TNIK: variants seen among roughly 807,000 people sequenced by gnomAD.
TNIK encodes the protein TRAF2 and NCK-interacting protein kinase.
Under a neutral mutation model 191.3 loss-of-function variants are expected in TNIK, and 49 were observed. The ratio of observed to expected loss-of-function variants is 0.26; its 90% confidence interval spans 0.20 to 0.32. The LOEUF is 0.32. TNIK is among the 10% of genes least tolerant of loss of function. The pLI, the probability that TNIK is intolerant of heterozygous loss-of-function variation, is 1.00. For missense variants in TNIK, 1,155 were observed against 1,702.3 expected, an observed-to-expected ratio of 0.68 and a Z score of 5.66; for synonymous variants, 594 against 600.9, an observed-to-expected ratio of 0.99 and a Z score of 0.17.
At position 171,093,978 on chromosome 3, in the gene TNIK, G is replaced by C; in HGVS notation, c.2592-10C>G. ...TGGAGCTCCTGTTGGTCTGAGATGA[G>C]AAGGAACAACATTCATGGCAATGTA... On this transcript the variant is annotated splice_polypyrimidine_tract_variant and intron_variant, in intron 22 of 32. Coordinates refer to ENST00000436636, the MANE Select transcript of TNIK (RefSeq NM_015028.4). 1.2e-6 allele frequency: 2 copies of C among 1,610,518 alleles called. No homozygotes were observed. The highest frequency in any genetic ancestry group is 1.7e-6 in the Non-Finnish European group (2 of 1,178,730).
chr3:171,183,895 T>G, intron 7 of TNIK, among the ~76,000 whole-genome samples: 1 of 130,398 alleles, frequency 7.7e-6, no homozygotes, highest in East Asian at 2.3e-4. Context: ...CATTCCAGTC[T>G]AGGTGACAAG....
chr3:171,373,538 C>A (rs112190531), intron 1 of TNIK, among the ~76,000 whole-genome samples: 2,177 of 152,226 alleles, frequency 0.014, 21 homozygotes, highest in Non-Finnish European at 0.02. Flanking sequence ...TTAGTTAATT[C>A]TTTCTTCCTT....
At chr3:171,390,595 T>A (rs1256870540) in intron 1 of TNIK, among the ~76,000 whole-genome samples, 1 of 152,230 alleles carries the variant, frequency 6.6e-6, no homozygotes, top group Non-Finnish European at 1.5e-5. Context: ...CAGAAGCTGC[T>A]GAATAACTGC....
chr3:171,121,646 T>C (rs1727768286), intron 18 of TNIK, among the ~76,000 whole-genome samples: 1 of 152,224 alleles, frequency 6.6e-6, no homozygotes, highest in African/African-American at 2.4e-5. Flanking sequence ...TGAGAAATAT[T>C]AAACTGTTAT....
chr3:171,089,102 A>G (rs1446606584), intron 23 of TNIK, among the ~76,000 whole-genome samples: 2 of 152,154 alleles, frequency 1.3e-5, no homozygotes, highest in East Asian at 3.8e-4. Flanking sequence ...AGCTCCTGTA[A>G]TGGTGCATGT....
In TNIK at chr3:171,159,267, G is replaced by A. The variant is rs754562411; in HGVS notation, c.1017-1603C>T. On this transcript the variant is annotated intron_variant, in intron 11 of 32. Transcript: ENST00000436636. This position sits in a 1 kb window ranked among gnomAD's most constrained non-coding sequence, Gnocchi z 4.1. ...AAGCCTGTGGACAGATCTGACATGT[G>A]GAGTGAGGGATGACTTGCAGGTTCT... 7.2e-5 allele frequency among the ~76,000 whole-genome samples: 11 copies of A among 152,072 alleles called. No individual in the cohort carries two copies. Among genetic ancestry groups the A allele is most frequent in the Non-Finnish European group, 1.6e-4 (11 of 67,974 alleles).
intron 3 of TNIK, among the ~76,000 whole-genome samples, chr3:171,220,912 TACA>T (rs1001542563): frequency 6.6e-6 from 1 of 152,144 alleles, no homozygotes; most frequent in African/African-American, 2.4e-5. Flanking sequence ...AGCATACACA[TACA>T]ACAAGCCCAA....
intron 1 of TNIK, among the ~76,000 whole-genome samples, chr3:171,429,972 G>T (rs2108656484): frequency 6.6e-6 from 1 of 152,190 alleles, no homozygotes; most frequent in African/African-American, 2.4e-5. Context: ...GCATCATTTT[G>T]TTAAAATGCA....
intron 2 of TNIK, among the ~76,000 whole-genome samples, chr3:171,364,291 T>C (rs1715389834): frequency 6.6e-6 from 1 of 152,082 alleles, no homozygotes; most frequent in Non-Finnish European, 1.5e-5. Context: ...ATTTTGTAAA[T>C]TTCTAGCATA....
At chr3:171,121,487 G>A (rs13092186) in intron 18 of TNIK, among the ~76,000 whole-genome samples, 12,582 of 152,328 alleles carry the variant, frequency 0.083, 602 homozygotes, top group Middle Eastern at 0.13. Flanking sequence ...TCTCTCTTGA[G>A]ATGCTCTTCT....
At chr3:171,362,602 G>A (rs1331054650) in intron 2 of TNIK, among the ~76,000 whole-genome samples, 1 of 152,198 alleles carries the variant, frequency 6.6e-6, no homozygotes, top group African/African-American at 2.4e-5. Context: ...ATGTGTTTGG[G>A]AAGAGGAAAA....
intron 7 of TNIK, among the ~76,000 whole-genome samples, chr3:171,186,778 A>C (rs1737416612): frequency 6.6e-6 from 1 of 152,248 alleles, no homozygotes; most frequent in South Asian, 2.1e-4. Flanking sequence ...ATCACTGTGC[A>C]GCATGACGAC....
chr3:171,336,520 A>G (rs1030042594), intron 2 of TNIK, among the ~76,000 whole-genome samples: 1 of 152,226 alleles, frequency 6.6e-6, no homozygotes, highest in African/African-American at 2.4e-5. Flanking sequence ...AAAAATAAGC[A>G]TAAACAGCTC....
At chr3:171,084,430 T>A in intron 25 of TNIK, 105 bp from the exon 26 acceptor site, 1 of 1,341,958 alleles carries the variant, frequency 7.5e-7, no homozygotes, top group Non-Finnish European at 1.0e-6. Context: ...TGAATTATAG[T>A]AAAGGCAAGG....
chr3:171,265,537 T>TG (rs1262828422), intron 2 of TNIK, among the ~76,000 whole-genome samples: 1 of 152,202 alleles, frequency 6.6e-6, no homozygotes, highest in African/African-American at 2.4e-5. Context: ...TCAAAACTGG[T>TG]GAAAAACAAA....
intron 18 of TNIK, among the ~76,000 whole-genome samples, chr3:171,113,929 CT>C (rs1300248302): frequency 6.7e-6 from 1 of 148,748 alleles, no homozygotes; most frequent in African/African-American, 2.5e-5. Flanking sequence ...ATCAGGGGAG[CT>C]GTACCCAAAC....
chr3:171,085,647 G>T (rs1392552238), intron 24 of TNIK, among the ~76,000 whole-genome samples: 1 of 152,132 alleles, frequency 6.6e-6, no homozygotes, highest in African/African-American at 2.4e-5. Context: ...ACTTTATCCT[G>T]AACAGAGTCA....
chr3:171,234,864 C>T (rs373362130), intron 2 of TNIK, among the ~76,000 whole-genome samples: 13 of 152,228 alleles, frequency 8.5e-5, no homozygotes, highest in East Asian at 3.9e-4. Context: ...CAAAAGCAGA[C>T]GAGCCAGCCT....
chr3:171,364,188 T>C (rs1411168609), intron 2 of TNIK, among the ~76,000 whole-genome samples: 1 of 152,184 alleles, frequency 6.6e-6, no homozygotes, highest in Non-Finnish European at 1.5e-5. Context: ...CCGGGAAATC[T>C]ACATTTTAAA....
Sources: allele counts gnomAD v4.1 joint callset (sites outside exome capture counted in the v4.1 genomes callset), GRCh38; gene constraint gnomAD v4.1.1; non-coding constraint Gnocchi (gnomAD v3.1); transcripts MANE v1.5; gene names NCBI Gene and HGNC (gene_info 2026-07-23, HGNC 2026-07-21).